Variants in WWTR1 observed in about 807,000 individuals in gnomAD.
The protein encoded by WWTR1 is WW domain-containing transcription regulator protein 1.
WWTR1 carries 13 observed loss-of-function variants against 40.1 expected under a neutral mutation model. The observed-to-expected ratio is 0.32, with a 90% confidence interval of 0.21 to 0.52. The LOEUF is 0.52. Ranked by LOEUF, WWTR1 falls within the 20% of genes least tolerant of loss-of-function variation. The pLI is 0.97. For synonymous variants in WWTR1, 230 were observed against 210.1 expected (o/e 1.09, Z -0.82); for missense variants, 436 against 523.1 (o/e 0.83, Z 1.63).
intron 4 of WWTR1, among the ~76,000 whole-genome samples, chr3:149,529,947 T>G (rs1357822903): frequency 6.6e-6 from 1 of 152,240 alleles, no homozygotes; most frequent in Non-Finnish European, 1.5e-5. Context: ...TCAACCATTC[T>G]GAATAAATGT....
chr3:149,577,205 A>G (rs561939838), intron 2 of WWTR1, among the ~76,000 whole-genome samples: 1 of 152,296 alleles, frequency 6.6e-6, no homozygotes, highest in East Asian at 1.9e-4. Flanking sequence ...AAGATAAACT[A>G]CACTTTTGGC....
chr3:149,645,797 T>A (rs960807527), intron 2 of WWTR1, among the ~76,000 whole-genome samples: 2 of 151,074 alleles, frequency 1.3e-5, no homozygotes, highest in African/African-American at 2.4e-5. Context: ...AAATGAATAT[T>A]TTTTTTTTAA....
At chr3:149,592,755 T>C (rs1232767774) in intron 2 of WWTR1, among the ~76,000 whole-genome samples, 1 of 152,194 alleles carries the variant, frequency 6.6e-6, no homozygotes, top group Non-Finnish European at 1.5e-5. Context: ...GGAGCCTGTA[T>C]CTATTCTTAG....
intron 2 of WWTR1, among the ~76,000 whole-genome samples, chr3:149,638,218 AAAAG>A (rs1711947331): frequency 6.6e-6 from 1 of 152,162 alleles, no homozygotes; most frequent in African/African-American, 2.4e-5. Flanking sequence ...CTTTGTCAAA[AAAAG>A]AAAGAAAAGA....
intron 2 of WWTR1, among the ~76,000 whole-genome samples, chr3:149,614,351 T>C (rs1033614757): frequency 1.3e-5 from 2 of 152,202 alleles, no homozygotes; most frequent in African/African-American, 2.4e-5. Flanking sequence ...CACTGTACCA[T>C]TGAATACCTA....
intron 3 of WWTR1, 115 bp from the exon 4 acceptor site, chr3:149,542,652 G>C: frequency 9.1e-7 from 1 of 1,098,988 alleles, no homozygotes; most frequent in Non-Finnish European, 1.3e-6. Flanking sequence ...TCCTTCCAAA[G>C]TACTTTCCTG....
intron 2 of WWTR1, among the ~76,000 whole-genome samples, chr3:149,580,630 TGAGACG>T (rs1298646831): frequency 1.3e-5 from 2 of 152,246 alleles, no homozygotes; most frequent in Non-Finnish European, 2.9e-5. Context: ...TGTTTGTTTT[TGAGACG>T]GAGTTTCGCT....
intron 1 of WWTR1, among the ~76,000 whole-genome samples, chr3:149,673,210 T>G (rs979152241): frequency 2.5e-4 from 38 of 152,180 alleles, no homozygotes; most frequent in African/African-American, 8.7e-4. Flanking sequence ...ACCCTGTCTC[T>G]GTTTTTTAAA....
rs758204408 is a variant in WWTR1 at position 149,657,037 on chromosome 3, C to T, written c.270G>A (p.Ser90=). The T allele has an allele frequency of 1.3e-6, 2 of 1,581,368 alleles. No homozygotes were observed. The highest frequency in any genetic ancestry group is 2.2e-5 in the South Asian group (2 of 88,892). The part of the protein sequence containing the change: ...GGAQHVRSHS[S]PASLQLGTGA... ...CGGTGCCCAGCTGCAGGGACGCGGG[C>T]GACGAGTGCGAGCGGACATGCTGGG... The change falls in exon 2 of 7, where the codon TCG becomes TCA. Residue 90 remains serine, a synonymous_variant. Transcript: ENST00000360632.
At chr3:149,625,456 TTA>T (rs1248346121) in intron 2 of WWTR1, among the ~76,000 whole-genome samples, 2 of 151,946 alleles carry the variant, frequency 1.3e-5, no homozygotes, top group Non-Finnish European at 2.9e-5. Flanking sequence ...TGTGACAGAA[TTA>T]TAGTGACTCA....
chr3:149,620,564 T>C (rs56073118), intron 2 of WWTR1, among the ~76,000 whole-genome samples: 64,824 of 147,790 alleles, frequency 0.44, 16,080 homozygotes, highest in Middle Eastern at 0.62. Context: ...CCTCCACCGC[T>C]CCCCCCCACA....
intron 2 of WWTR1, among the ~76,000 whole-genome samples, chr3:149,578,636 G>T (rs1330560899): frequency 2.0e-5 from 3 of 152,166 alleles, no homozygotes; most frequent in Non-Finnish European, 4.4e-5. Context: ...GGGCACAGTG[G>T]CCTGTAATCC....
intron 2 of WWTR1, among the ~76,000 whole-genome samples, chr3:149,624,466 C>T (rs1025580156): frequency 7.2e-5 from 11 of 152,228 alleles, no homozygotes; most frequent in African/African-American, 2.4e-4. Flanking sequence ...AGTCCACCCT[C>T]CATCACACAA....
At chr3:149,704,114 A>G (rs1290360721), upstream of WWTR1, among the ~76,000 whole-genome samples, 2 of 152,156 alleles carry the variant, frequency 1.3e-5, no homozygotes, top group Non-Finnish European at 2.9e-5. Context: ...AAATGCTGAG[A>G]TCACAGGCAT....
chr3:149,690,552 G>A (rs944518341), intron 1 of WWTR1, among the ~76,000 whole-genome samples: 15 of 151,840 alleles, frequency 9.9e-5, no homozygotes, highest in African/African-American at 3.4e-4. Flanking sequence ...CATCAATTCA[G>A]CAAGATAATA....
chr3:149,610,594 G>C (rs2108066707), intron 2 of WWTR1, among the ~76,000 whole-genome samples: 1 of 152,264 alleles, frequency 6.6e-6, no homozygotes, highest in East Asian at 1.9e-4. Flanking sequence ...GAAGTGGAAG[G>C]GTGGCTGAGG....
intron 2 of WWTR1, among the ~76,000 whole-genome samples, chr3:149,629,731 G>A (rs1469028478): frequency 6.6e-6 from 1 of 151,978 alleles, no homozygotes; most frequent in African/African-American, 2.4e-5. Flanking sequence ...CATATTAAAG[G>A]AATAAAACAA....
Position 149,521,106 on chromosome 3 carries a change from C to G in WWTR1, c.1019-117G>C, listed in dbSNP as rs1038585169. Reference sequence around the variant, plus strand: ...TGTCTTCAACTACCACATTATTGACCCTTACTCATAAGAGGTACAGAGATG... The same window carrying G: ...TGTCTTCAACTACCACATTATTGACGCTTACTCATAAGAGGTACAGAGATG... On this transcript the variant is annotated intron_variant, in intron 6 of 6. Transcript: ENST00000360632. The G allele has an allele frequency of 1.9e-4, 230 of 1,204,812 alleles. 1 individual carries two copies. Among genetic ancestry groups the G allele is most frequent in the Non-Finnish European group, 1.0e-4 (88 of 870,304 alleles). The allele number at this position is 1,204,812 out of a possible 1,614,324, so 74.6% of individuals were successfully genotyped here. A position where few individuals can be genotyped will look rare whatever the true frequency, so the allele number is the denominator to read the frequency against.
rs1396326366 is a variant in WWTR1, at chr3:149,519,886, T to C, written c.*919A>G. On this transcript the variant is annotated 3_prime_UTR_variant, in exon 7 of 7. Coordinates refer to ENST00000360632, the MANE Select transcript of WWTR1 (RefSeq NM_015472.6). Reference sequence around the variant, plus strand: ...TGAACCCAGAAGGCAGAGGTTGCAGTGAGCCGAGATTGTGCCATTGCATTC... The same window carrying C: ...TGAACCCAGAAGGCAGAGGTTGCAGCGAGCCGAGATTGTGCCATTGCATTC... The C allele has an allele frequency of 2.0e-5, 3 of 151,986 alleles. No homozygotes were observed. Among genetic ancestry groups the C allele is most frequent in the Non-Finnish European group, 2.9e-5 (2 of 68,034 alleles). The allele number at this position is 151,986 out of a possible 1,614,324, so 9.4% of individuals were successfully genotyped here. A position where few individuals can be genotyped will look rare whatever the true frequency, so the allele number is the denominator to read the frequency against.
Sources: gnomAD v4.1 joint callset for allele counts (sites outside exome capture counted in the v4.1 genomes callset) on GRCh38, gnomAD v4.1.1 for gene constraint, MANE v1.5 for transcripts, NCBI Gene and HGNC (gene_info 2026-07-23, HGNC 2026-07-21) for gene names.